TENM2: variants seen among roughly 807,000 people sequenced by gnomAD.
TENM2 encodes the protein teneurin transmembrane protein 2.
In TENM2, 52 loss-of-function variants were observed where a neutral mutation model predicts 245.2. The observed-to-expected ratio is 0.21, with a 90% CI of 0.17 to 0.27. TENM2 has a LOEUF of 0.27. TENM2 is among the 10% of genes least tolerant of loss of function. The pLI, the probability that TENM2 is intolerant of heterozygous loss-of-function variation, is 1.00. For synonymous variants in TENM2, 1,363 were observed against 1,438.9 expected, an observed-to-expected ratio of 0.95 and a Z score of 1.19; for missense variants, 3,046 against 3,666.8, an observed-to-expected ratio of 0.83 and a Z score of 4.37.
chr5:167,700,646 G>T (rs1191950888), intron 2 of TENM2, among the ~76,000 whole-genome samples: 1 of 152,116 alleles, frequency 6.6e-6, no homozygotes, highest in Non-Finnish European at 1.5e-5. Context: ...CTCTCTCAGG[G>T]TAGAGAATCA....
intron 2 of TENM2, among the ~76,000 whole-genome samples, chr5:167,738,351 C>T (rs1449319915): frequency 6.6e-6 from 1 of 152,164 alleles, no homozygotes; most frequent in Admixed American, 6.5e-5. Context: ...TTCTGATATC[C>T]TCTCACCTCC....
chr5:168,179,645 A>G (rs904179328), intron 13 of TENM2, among the ~76,000 whole-genome samples: 2 of 152,182 alleles, frequency 1.3e-5, no homozygotes, highest in Non-Finnish European at 2.9e-5. Context: ...CAGTCACACA[A>G]CCTTACATGG....
chr5:168,201,438 C>T (rs1334671931), intron 17 of TENM2, among the ~76,000 whole-genome samples: 1 of 151,986 alleles, frequency 6.6e-6, no homozygotes, highest in African/African-American at 2.4e-5. Flanking sequence ...CCATACACTC[C>T]AGCTCCTGCC....
chr5:167,855,692 G>T (rs1352362661), intron 2 of TENM2, among the ~76,000 whole-genome samples: 1 of 135,332 alleles, frequency 7.4e-6, no homozygotes, highest in Admixed American at 7.2e-5. Context: ...GAAGGAGGGA[G>T]GGTGGGAGGG....
intron 2 of TENM2, among the ~76,000 whole-genome samples, chr5:167,499,421 T>C (rs1769027334): frequency 6.6e-6 from 1 of 152,186 alleles, no homozygotes; most frequent in African/African-American, 2.4e-5. Flanking sequence ...GTTTTAGAGA[T>C]GCATACTGAA....
intron 2 of TENM2, among the ~76,000 whole-genome samples, chr5:167,449,151 G>A (rs1193558656): frequency 6.6e-6 from 1 of 152,152 alleles, no homozygotes; most frequent in Non-Finnish European, 1.5e-5. Flanking sequence ...AAGCTTGTAG[G>A]CAAGTGTGAT....
intron 2 of TENM2, among the ~76,000 whole-genome samples, chr5:167,425,101 G>C (rs1182085873): frequency 6.6e-6 from 1 of 152,148 alleles, no homozygotes; most frequent in African/African-American, 2.4e-5. Flanking sequence ...TACCTGCTTT[G>C]CAGTTTGAAA....
chr5:167,258,215 G>A, the TENM2 span, among the ~76,000 whole-genome samples: 528 of 122,808 alleles, frequency 4.3e-3, 15 homozygotes, highest in East Asian at 0.076. Context: ...ATATATATAT[G>A]TATATATATA....
At chr5:167,326,693 TAATA>T (rs890325129) in intron 1 of TENM2, among the ~76,000 whole-genome samples, 32 of 123,536 alleles carry the variant, frequency 2.6e-4, no homozygotes, top group Admixed American at 3.5e-4. Flanking sequence ...ATAATTATAA[TAATA>T]AATAAATATA....
chr5:167,150,841 A>G, the TENM2 span, among the ~76,000 whole-genome samples: 1 of 152,258 alleles, frequency 6.6e-6, no homozygotes, highest in Non-Finnish European at 1.5e-5. Context: ...TATGTTCAAT[A>G]TAATAAGCCA....
At chr5:167,890,727 G>A (rs1402978817) in intron 3 of TENM2, among the ~76,000 whole-genome samples, 1 of 152,046 alleles carries the variant, frequency 6.6e-6, no homozygotes, top group Non-Finnish European at 1.5e-5. Context: ...GATTTGCATG[G>A]CCTTTGTAGC....
rs1771403898 is a variant in TENM2 at position 167,530,289 on chromosome 5, TAA to T, written c.502+154821_502+154822del. Among the ~76,000 whole-genome samples the T allele has an allele frequency of 2.0e-5, 3 of 152,200 alleles. No individual in the cohort carries two copies. In the South Asian group the frequency reaches 6.2e-4, roughly 32 times the overall value. ...GACTGTTCTAGAAGGAATACAGTTT[TAA>T]AAAATGAAGAATAAGGAATAAAGCT... On this transcript the variant is annotated intron_variant, in intron 2 of 28. Transcript: ENST00000518659.
chr5:166,995,402 G>A, the TENM2 span, among the ~76,000 whole-genome samples: 1 of 151,616 alleles, frequency 6.6e-6, no homozygotes, highest in African/African-American at 2.4e-5. Context: ...ACCATGCCTG[G>A]CTAAATTTTT....
At chr5:167,836,688 G>C (rs1202001442) in intron 2 of TENM2, among the ~76,000 whole-genome samples, 1 of 152,072 alleles carries the variant, frequency 6.6e-6, no homozygotes, top group African/African-American at 2.4e-5. Context: ...ATGTACTATA[G>C]GACTCACAGG....
In TENM2 at chr5:167,921,499, C is replaced by T. The variant is rs139208377; in HGVS notation, c.713-31089C>T. Among the ~76,000 whole-genome samples the T allele has an allele frequency of 6.6e-5, 10 of 152,206 alleles. No homozygotes were observed. In the East Asian group the frequency reaches 1.9e-3, roughly 29 times the overall value. ...ATCCACAGAGAGGAGAATCTAGGTC[C>T]ATGTTTCTCAAAGTGTGGTCTATGG... On this transcript the variant is annotated intron_variant, in intron 3 of 28. Transcript: ENST00000518659.
At chr5:167,097,355 T>C in the TENM2 span, among the ~76,000 whole-genome samples, 1 of 152,212 alleles carries the variant, frequency 6.6e-6, no homozygotes, top group Admixed American at 6.5e-5. Context: ...CACCAATATT[T>C]AATTGGCATC....
the TENM2 span, among the ~76,000 whole-genome samples, chr5:167,231,448 AC>A: frequency 6.6e-6 from 1 of 152,066 alleles, no homozygotes; most frequent in Non-Finnish European, 1.5e-5. Context: ...AATAAAGGTA[AC>A]TCTTACTATG....
chr5:168,087,615 A>G (rs1247430626), intron 7 of TENM2, among the ~76,000 whole-genome samples: 1 of 151,880 alleles, frequency 6.6e-6, no homozygotes, highest in African/African-American at 2.4e-5. Context: ...TCTCAAAAAA[A>G]AAAAAAAGAA....
At chr5:168,038,573 G>A (rs1035652165) in intron 5 of TENM2, among the ~76,000 whole-genome samples, 2 of 152,186 alleles carry the variant, frequency 1.3e-5, no homozygotes, top group African/African-American at 4.8e-5. Context: ...TTAGAACAGT[G>A]GTTGACACTG....
Sources: allele counts gnomAD v4.1 joint callset (sites outside exome capture counted in the v4.1 genomes callset), GRCh38; gene constraint gnomAD v4.1.1; transcripts MANE v1.5; gene names NCBI Gene and HGNC (gene_info 2026-07-23, HGNC 2026-07-21).